Variants in PKIG observed in about 807,000 individuals in gnomAD.
PKIG encodes the protein cAMP-dependent protein kinase inhibitor gamma, also known as protein kinase (cAMP-dependent, catalytic) inhibitor gamma.
Under a neutral mutation model 6.8 loss-of-function variants are expected in PKIG, and 1 was observed. The ratio of observed to expected loss-of-function variants is 0.15; its 90% CI spans 0.05 to 0.69. The LOEUF is 0.69. PKIG is among the 30% of genes least tolerant of loss of function. PKIG has a pLI of 0.82. For missense variants in PKIG, 77 were observed against 104.0 expected (o/e 0.74, Z 1.13); for synonymous variants, 39 against 43.0 (o/e 0.91, Z 0.36).
At chr20:44,610,668 G>A (rs911871807) in intron 2 of PKIG, among the ~76,000 whole-genome samples, 9 of 152,138 alleles carry the variant, frequency 5.9e-5, no homozygotes, top group Admixed American at 6.6e-5. Flanking sequence ...CTTAGAAAAC[G>A]AAAGTTCCCC....
chr20:44,617,361 C>A (rs1362841063), intron 3 of PKIG, among the ~76,000 whole-genome samples: 1 of 152,134 alleles, frequency 6.6e-6, no homozygotes, highest in Admixed American at 6.5e-5. Flanking sequence ...CCAGGCCCCA[C>A]GTGGTGCACC....
intron 3 of PKIG, among the ~76,000 whole-genome samples, chr20:44,615,981 T>G (rs1411821918): frequency 6.6e-6 from 1 of 152,126 alleles, no homozygotes; most frequent in Non-Finnish European, 1.5e-5. Flanking sequence ...AATCTATTCA[T>G]TCTCCTCTGT....
intron 1 of PKIG, among the ~76,000 whole-genome samples, chr20:44,563,704 A>AT (rs916768303): frequency 4.0e-5 from 6 of 151,744 alleles, no homozygotes; most frequent in African/African-American, 9.7e-5. Context: ...TAATTTTTGT[A>AT]TTTTTTTGTA....
intron 1 of PKIG, among the ~76,000 whole-genome samples, chr20:44,557,841 A>T (rs916200503): frequency 9.5e-5 from 14 of 146,804 alleles, no homozygotes; most frequent in African/African-American, 3.3e-4. Flanking sequence ...AAAAAATAAT[A>T]AAAAAAAAAG....
intron 1 of PKIG, among the ~76,000 whole-genome samples, chr20:44,539,815 T>C (rs1370299225): frequency 6.6e-6 from 1 of 152,194 alleles, no homozygotes; most frequent in Non-Finnish European, 1.5e-5. Flanking sequence ...AAAGAATGGA[T>C]ACCCCTGTTT....
intron 1 of PKIG, among the ~76,000 whole-genome samples, chr20:44,561,332 G>C: frequency 6.6e-6 from 1 of 151,374 alleles, no homozygotes; most frequent in Non-Finnish European, 1.5e-5. Context: ...GCGAGACTCC[G>C]TCTCAAAAAA....
chr20:44,551,343 C>T (rs541330972), intron 1 of PKIG, among the ~76,000 whole-genome samples: 40 of 152,298 alleles, frequency 2.6e-4, no homozygotes, highest in African/African-American at 8.9e-4. Flanking sequence ...CGTGAGCCAC[C>T]GCGCCCGGCC....
intron 1 of PKIG, among the ~76,000 whole-genome samples, chr20:44,562,084 C>A (rs561685111): frequency 8.5e-4 from 129 of 152,026 alleles, no homozygotes; most frequent in Non-Finnish European, 1.6e-3. Flanking sequence ...AGTTGGAGGC[C>A]AGCCTGGGCA....
chr20:44,584,725 T>TA (rs1381334592), intron 1 of PKIG, among the ~76,000 whole-genome samples: 1 of 150,774 alleles, frequency 6.6e-6, no homozygotes, highest in East Asian at 1.9e-4. Context: ...GGCACTTCTT[T>TA]TTTTTTTTTT....
At chr20:44,537,698 G>A (rs961059388) in intron 1 of PKIG, among the ~76,000 whole-genome samples, 5 of 147,912 alleles carry the variant, frequency 3.4e-5, no homozygotes, top group African/African-American at 5.0e-5. Flanking sequence ...CTGCCTCAGC[G>A]TCCCAAGTAG....
intron 1 of PKIG, among the ~76,000 whole-genome samples, chr20:44,585,599 C>T (rs557129026): frequency 8.1e-4 from 124 of 152,330 alleles, no homozygotes; most frequent in Non-Finnish European, 1.5e-3. Flanking sequence ...TCCCCGAAGC[C>T]CTTGAATATT....
At chr20:44,563,374 A>AT (rs199711065) in intron 1 of PKIG, among the ~76,000 whole-genome samples, 10,677 of 146,816 alleles carry the variant, frequency 0.073, 401 homozygotes, top group South Asian at 0.15. Context: ...AGAACAACTG[A>AT]TTTTTTTTTT....
At chr20:44,611,520 C>CTTTTTTTTTTTTTTTTTT (rs1330858238) in intron 2 of PKIG, among the ~76,000 whole-genome samples, 1 of 141,484 alleles carries the variant, frequency 7.1e-6, no homozygotes, top group Non-Finnish European at 1.6e-5. Context: ...TCTATATCAA[C>CTTTTTTTTTTTTTTTTTT]TTTTTTTTTT....
In PKIG at chr20:44,542,379, T is replaced by G. The variant is rs540552374; in HGVS notation, c.-241+10401T>G. Among the ~76,000 whole-genome samples the G allele has an allele frequency of 3.3e-5, 5 of 151,766 alleles. No individual in the cohort carries two copies. The South Asian group carries it at 1.0e-3, about 32-fold the overall frequency. Reference sequence around the variant, plus strand: ...GTCCTGATTTTGCAAACCTACCTACTCCGTGTTTCTGCTAATCACCAGAAT... The same window carrying G: ...GTCCTGATTTTGCAAACCTACCTACGCCGTGTTTCTGCTAATCACCAGAAT... On this transcript the variant is annotated intron_variant, in intron 1 of 4. Coordinates refer to the PKIG transcript ENST00000372887.
chr20:44,575,019 C>T (rs2064884392), intron 1 of PKIG, among the ~76,000 whole-genome samples: 1 of 152,084 alleles, frequency 6.6e-6, no homozygotes, highest in Non-Finnish European at 1.5e-5. Flanking sequence ...CAAACAAGGA[C>T]CTCACATTAC....
At chr20:44,534,832 T>C (rs772587388) in intron 1 of PKIG, among the ~76,000 whole-genome samples, 16 of 152,162 alleles carry the variant, frequency 1.1e-4, no homozygotes, top group Non-Finnish European at 2.1e-4. Flanking sequence ...GGCCCTCTAA[T>C]AATTGCAAAT....
At chr20:44,553,956 T>TTGG (rs1489209508) in intron 1 of PKIG, among the ~76,000 whole-genome samples, 1 of 151,976 alleles carries the variant, frequency 6.6e-6, no homozygotes, top group African/African-American at 2.4e-5. Flanking sequence ...GAGCTTGCCC[T>TTGG]TGGAGAAGCT....
intron 2 of PKIG, among the ~76,000 whole-genome samples, chr20:44,612,751 A>G (rs935537555): frequency 1.3e-5 from 2 of 152,214 alleles, no homozygotes; most frequent in African/African-American, 2.4e-5. Flanking sequence ...AAATGTGTCA[A>G]AAATCTAAAA....
At chr20:44,551,071 T>G (rs986108213) in intron 1 of PKIG, among the ~76,000 whole-genome samples, 2 of 148,480 alleles carry the variant, frequency 1.3e-5, no homozygotes, top group South Asian at 2.1e-4. Context: ...CATTTTCCTG[T>G]TTTTTTTTTG....
Sources: allele counts gnomAD v4.1 joint callset (sites outside exome capture counted in the v4.1 genomes callset), GRCh38; gene constraint gnomAD v4.1.1; transcripts MANE v1.5; gene names NCBI Gene and HGNC (gene_info 2026-07-23, HGNC 2026-07-21).